The following BRD4 variants were observed in gnomAD, a reference collection of about 807,000 sequenced individuals.
BRD4 encodes bromodomain-containing protein 4.
A neutral mutation model predicts 142.1 loss-of-function variants in BRD4; 16 were observed. The ratio of observed to expected loss-of-function variants is 0.11; its 90% confidence interval spans 0.08 to 0.17. The LOEUF (loss-of-function observed/expected upper bound fraction) is 0.17, where lower values mean the gene tolerates loss of function less well. Among genes scored for constraint, BRD4 ranks in the 10% least tolerant of loss-of-function variants. BRD4 has a pLI of 1.00. For missense variants in BRD4, 1,424 were observed against 1,810.9 expected (o/e 0.79, Z 3.88); for synonymous variants, 833 against 707.5 (o/e 1.18, Z -2.82).
At chr19:15,276,848 G>A (rs1379928376) in intron 1 of BRD4, among the ~76,000 whole-genome samples, 1 of 152,202 alleles carries the variant, frequency 6.6e-6, no homozygotes, top group Non-Finnish European at 1.5e-5. Flanking sequence ...AATACATGGG[G>A]TGAATACTGT....
At chr19:15,274,510 T>C (rs760821919) in intron 1 of BRD4, among the ~76,000 whole-genome samples, 10 of 152,234 alleles carry the variant, frequency 6.6e-5, no homozygotes, top group Non-Finnish European at 8.8e-5. Context: ...CAGAAACATA[T>C]AGCTGATGCT....
chr19:15,299,894 C>G (rs987520299), intron 1 of BRD4, among the ~76,000 whole-genome samples: 3 of 152,214 alleles, frequency 2.0e-5, no homozygotes. Context: ...CACAGAACTG[C>G]TGTTCTACAG....
At chr19:15,312,026 T>C (rs757258339) in intron 1 of BRD4, among the ~76,000 whole-genome samples, 3 of 152,232 alleles carry the variant, frequency 2.0e-5, no homozygotes, top group Non-Finnish European at 4.4e-5. Flanking sequence ...TAGTTTACAC[T>C]GTAAAATGGT....
At chr19:15,323,358 G>T (rs2048080992) in intron 1 of BRD4, among the ~76,000 whole-genome samples, 2 of 152,052 alleles carry the variant, frequency 1.3e-5, no homozygotes, top group Admixed American at 1.3e-4. Flanking sequence ...TGCCCCAGCA[G>T]CCCAGTATGG....
At position 15,243,476 on chromosome 19, in the gene BRD4, C is replaced by T. The variant is rs1291730650; in HGVS notation, c.2593G>A (p.Ala865Thr). The T allele has an allele frequency of 1.5e-5, 24 of 1,566,076 alleles. No individual in the cohort carries two copies. The highest frequency in any genetic ancestry group is 2.3e-5 in the East Asian group (1 of 44,018). ...GGCCGTGATGGCTGCTGGGGTAGTGCGTTGTGCAAAGCTGGAAGAACACAA... is the reference window on the plus strand; with the variant it reads ...GGCCGTGATGGCTGCTGGGGTAGTGTGTTGTGCAAAGCTGGAAGAACACAA... ...AVVSPPALHNALPQQPSRPSN... is the reference protein window; with the variant it reads ...AVVSPPALHNTLPQQPSRPSN... The change falls in exon 14 of 20, where the codon GCA (alanine) becomes ACA (threonine). Residue 865 changes from alanine (A) to threonine (T), a missense_variant. Physicochemically the swap from Ala to Thr is moderately conservative, Grantham distance 58. Around this residue, in one of 16 missense-constraint regions of BRD4, gnomAD observed 598 missense variants for 647.8 expected, o/e 0.92. Transcript: ENST00000679869.
chr19:15,239,543 G>A lies in BRD4; in HGVS notation c.3446-21C>T, dbSNP rs777644859. The A allele has an allele frequency of 1.2e-6, 2 of 1,602,656 alleles. No individual in the cohort carries two copies. The highest frequency in any genetic ancestry group is 2.2e-5 in the East Asian group (1 of 44,808). On this transcript the variant is annotated intron_variant, in intron 16 of 19. Coordinates refer to ENST00000679869, the MANE Select transcript of BRD4 (RefSeq NM_001379291.1). The surrounding 1 kb of genome is among the most constrained non-coding windows in gnomAD (Gnocchi z 7.4). ...CGGCCCTGGAACATAAACAGCCGGT[G>A]GGCCCTGGCCCACCTCACCCCAGTG... is the stretch of plus-strand genomic sequence containing the variant.
At chr19:15,331,386 C>T (rs181246991) in intron 1 of BRD4, among the ~76,000 whole-genome samples, 66 of 152,300 alleles carry the variant, frequency 4.3e-4, no homozygotes, top group Non-Finnish European at 5.1e-4. Flanking sequence ...ATCACAACTC[C>T]CCCACATCCC....
intron 1 of BRD4, among the ~76,000 whole-genome samples, chr19:15,313,443 C>A (rs1454478798): frequency 6.9e-6 from 1 of 145,456 alleles, no homozygotes; most frequent in Non-Finnish European, 1.5e-5. Context: ...GAGGCCGAGG[C>A]GGGTGGATCA....
intron 1 of BRD4, among the ~76,000 whole-genome samples, chr19:15,279,985 G>C (rs1217640081): frequency 2.0e-5 from 3 of 152,204 alleles, no homozygotes; most frequent in Non-Finnish European, 4.4e-5. Context: ...ACACTTAGCA[G>C]AGCTTTATGC....
rs774596084 is a variant in BRD4 at position 15,254,239 on chromosome 19, C to G, written c.2071G>C (p.Gly691Arg). 6.2e-7 allele frequency: 1 copy of G among 1,614,172 alleles called. No individual in the cohort carries two copies. The highest frequency in any genetic ancestry group is 1.7e-5 in the Admixed American group (1 of 60,024). Residue 691 changes from glycine to arginine, a missense_variant, in exon 11 of 20, where the codon GGC (glycine) becomes CGC (arginine). Physicochemically the swap from Gly to Arg is moderately radical, Grantham distance 125. Coordinates refer to ENST00000679869, the MANE Select transcript of BRD4 (RefSeq NM_001379291.1). ...GAGAAGCCCTTCATCTTGGAGGAGC[C>G]GGCAATCACATCAACTTTCTCAGCT... ...PQAEKVDVIA[G>R]SSKMKGFSSS...
chr19:15,288,384 G>C (rs2047755989), intron 1 of BRD4, among the ~76,000 whole-genome samples: 1 of 152,166 alleles, frequency 6.6e-6, no homozygotes, highest in African/African-American at 2.4e-5. Context: ...TGGTGACAGA[G>C]CAAGACCACA....
chr19:15,283,930 C>G (rs1296434272), intron 1 of BRD4, among the ~76,000 whole-genome samples: 2 of 152,146 alleles, frequency 1.3e-5, no homozygotes, highest in Non-Finnish European at 2.9e-5. Flanking sequence ...CTAGCAAGAG[C>G]CCTTGCTGGG....
chr19:15,306,199 A>C (rs1405242049), intron 1 of BRD4, among the ~76,000 whole-genome samples: 1 of 151,898 alleles, frequency 6.6e-6, no homozygotes, highest in African/African-American at 2.4e-5. Context: ...TCCTTCGAGA[A>C]CTCCTTTGCA....
Position 15,326,536 on chromosome 19 carries a change from TTG to T in BRD4, c.-35+5752_-35+5753del, listed in dbSNP as rs1402808055. Reference sequence around the variant, plus strand: ...AACAAAGAACTTCACTACAACCAAATTGTGTTACTCAGACAAAGACAAATAAC... The same window carrying T: ...AACAAAGAACTTCACTACAACCAAATTGTTACTCAGACAAAGACAAATAAC... On this transcript the variant is annotated intron_variant, in intron 1 of 19. Coordinates refer to ENST00000679869, the MANE Select transcript of BRD4 (RefSeq NM_001379291.1). 3.3e-5 allele frequency among the ~76,000 whole-genome samples: 5 copies of T among 152,108 alleles called. No individual in the cohort carries two copies. In the East Asian group the frequency reaches 9.6e-4, roughly 29 times the overall value.
rs1412912373 is a variant in BRD4 at position 15,267,485 on chromosome 19, G to A, written c.490C>T (p.Leu164=). The change falls in exon 4 of 20, where the codon CTA becomes TTA. Residue 164 remains leucine (L), a synonymous_variant. Transcript: ENST00000679869. ...EKLFLQKINE[L]PTEETEIMIV... is the part of the protein sequence containing the mutation. ...ATGATCTCGGTTTCTTCTGTGGGTA[G>A]CTCATTTATTTTTTGCAAGAAGAGC... is the stretch of plus-strand genomic sequence containing the variant. The A allele has an allele frequency of 1.2e-5, 19 of 1,614,032 alleles. No homozygotes were observed. The highest frequency in any genetic ancestry group is 1.6e-5 in the Non-Finnish European group (19 of 1,179,998).
Position 15,256,259 on chromosome 19 carries a change from T to C in BRD4, c.1556A>G (p.Lys519Arg). ...QRLAELQEQL[K>R]AVHEQLAALS... ...GGCTGCAAGCTGCTCGTGCACGGCT[T>C]TGAGCTGTAGACCAGACAGGCAAGA... is the stretch of plus-strand genomic sequence containing the variant. Residue 519 changes from lysine to arginine, a missense_variant, in exon 9 of 20, where the codon AAA becomes AGA. By Grantham distance (26) the Lys-to-Arg change is conservative. This residue lies in a region of BRD4 where 90 missense variants were observed against 93.2 expected (regional missense o/e 0.97). Transcript: ENST00000679869. The C allele has an allele frequency of 6.2e-7, 1 of 1,611,458 alleles. No homozygotes were observed. Among genetic ancestry groups the C allele is most frequent in the Admixed American group, 1.7e-5 (1 of 59,510 alleles).
At chr19:15,312,944 A>T (rs1003216824) in intron 1 of BRD4, among the ~76,000 whole-genome samples, 1 of 151,998 alleles carries the variant, frequency 6.6e-6, no homozygotes, top group African/African-American at 2.4e-5. Context: ...AACAAAACAA[A>T]GATGTCAGGC....
intron 1 of BRD4, among the ~76,000 whole-genome samples, chr19:15,312,015 A>G (rs2047975755): frequency 1.3e-5 from 2 of 152,220 alleles, no homozygotes; most frequent in Non-Finnish European, 2.9e-5. Context: ...CAATATGCAT[A>G]TAGTTTACAC....
At chr19:15,309,316 C>T (rs1232881299) in intron 1 of BRD4, among the ~76,000 whole-genome samples, 3 of 127,012 alleles carry the variant, frequency 2.4e-5, no homozygotes, top group South Asian at 2.5e-4. Context: ...CCAGCCTGGG[C>T]GACAGAGCAA....
Sources: gnomAD v4.1 joint callset for allele counts (sites outside exome capture counted in the v4.1 genomes callset) on GRCh38, gnomAD v4.1.1 for gene constraint, gnomAD v4.1.1 regional missense constraint, Gnocchi (gnomAD v3.1) non-coding constraint, MANE v1.5 for transcripts, NCBI Gene and HGNC (gene_info 2026-07-23, HGNC 2026-07-21) for gene names.